DNM1L: variants seen among roughly 807,000 people sequenced by gnomAD.
The protein encoded by DNM1L is dynamin-1-like protein.
A neutral mutation model predicts 92.8 loss-of-function variants in DNM1L; 33 were observed. The ratio of observed to expected loss-of-function variants is 0.36; its 90% CI spans 0.27 to 0.48. The LOEUF (loss-of-function observed/expected upper bound fraction) is 0.48, where lower values mean the gene tolerates loss of function less well. Among genes scored for constraint, DNM1L ranks in the 20% least tolerant of loss-of-function variants. The pLI, the probability that DNM1L is intolerant of heterozygous loss-of-function variation, is 0.99. For missense variants in DNM1L, 485 were observed against 888.8 expected, an observed-to-expected ratio of 0.55 and a Z score of 5.78; for synonymous variants, 284 against 305.0, an observed-to-expected ratio of 0.93 and a Z score of 0.72.
intron 5 of DNM1L, 67 bp downstream of exon 5, chr12:32,711,082 A>G (rs1953107806): frequency 7.4e-7 from 1 of 1,345,188 alleles, no homozygotes; most frequent in African/African-American, 1.4e-5. Context: ...ATATGAGAAT[A>G]ATCAGCTTCT....
chr12:32,743,211 C>CTAAT (rs1210195779), intron 19 of DNM1L, 143 bp from the exon 20 acceptor site: 6 of 765,110 alleles, frequency 7.8e-6, no homozygotes, highest in African/African-American at 7.1e-5. Flanking sequence ...TGATTAGATT[C>CTAAT]TAATTCCAGA....
chr12:32,691,994 A>G (rs1030658398), intron 1 of DNM1L, among the ~76,000 whole-genome samples: 10 of 139,122 alleles, frequency 7.2e-5, no homozygotes, highest in African/African-American at 3.1e-4. Context: ...TAAACGGGAA[A>G]GAGAATCAGA....
Position 32,731,412 on chromosome 12 carries a change from G to A in DNM1L, c.1257G>A (p.Arg419=), listed in dbSNP as rs759479797. ...TTTCATTTGAGTTACTGGTGAAGCG[G>A]CAAATCAAACGTCTAGAAGAGCCCA... ...PEVSFELLVK[R]QIKRLEEPSL... is the part of the protein sequence containing the mutation. Residue 419 remains arginine, a synonymous_variant, in exon 11 of 20, where the codon CGG becomes CGA. Transcript: ENST00000549701. This position sits in a 1 kb window ranked among gnomAD's most constrained non-coding sequence, Gnocchi z 5.1. 6.2e-7 allele frequency: 1 copy of A among 1,614,130 alleles called. No homozygotes were observed. The highest frequency in any genetic ancestry group is 1.1e-5 in the South Asian group (1 of 91,080).
At position 32,699,654 on chromosome 12, in the gene DNM1L, C is replaced by T. The variant is rs1004904509; in HGVS notation, c.103-1761C>T. On this transcript the variant is annotated intron_variant, in intron 1 of 19. Transcript: ENST00000549701. ...CTACTAAAAATACAAAACCGCTGGG[C>T]GTGGTGTCACACGCCTGTAATCTCA... 9.9e-5 allele frequency among the ~76,000 whole-genome samples: 15 copies of T among 151,952 alleles called. No individual in the cohort carries two copies. The East Asian group carries it at 1.6e-3, about 16-fold the overall frequency.
At chr12:32,717,414 T>A in intron 6 of DNM1L, among the ~76,000 whole-genome samples, 7 of 43,516 alleles carry the variant, frequency 1.6e-4, no homozygotes, top group Non-Finnish European at 2.3e-4. Flanking sequence ...ATAATATATA[T>A]TTTAAATATA....
At chr12:32,706,083 G>T in intron 2 of DNM1L, 2 of 443,324 alleles carry the variant, frequency 4.5e-6, no homozygotes, top group Non-Finnish European at 7.9e-6. Flanking sequence ...TATTTTTGAA[G>T]ACATGCTTGT....
intron 1 of DNM1L, 22 bp from the exon 2 acceptor site, chr12:32,701,393 C>T (rs757736473): frequency 5.0e-6 from 8 of 1,610,890 alleles, no homozygotes; most frequent in Non-Finnish European, 6.8e-6. Flanking sequence ...TCATTTTGCT[C>T]TTGTATATAT....
intron 9 of DNM1L, among the ~76,000 whole-genome samples, chr12:32,729,355 A>T (rs1439352331): frequency 6.6e-6 from 1 of 152,082 alleles, no homozygotes; most frequent in Non-Finnish European, 1.5e-5. Context: ...TGCTGGGATT[A>T]CAGGCATGAG....
intron 19 of DNM1L, 51 bp from the exon 20 acceptor site, chr12:32,743,302 TA>T: frequency 2.6e-6 from 4 of 1,529,674 alleles, no homozygotes; most frequent in Non-Finnish European, 3.6e-6. Context: ...TAATTCAGAT[TA>T]ATTTCATAAC....
chr12:32,703,973 T>G (rs1285659612), intron 2 of DNM1L, among the ~76,000 whole-genome samples: 1 of 152,188 alleles, frequency 6.6e-6, no homozygotes, highest in Non-Finnish European at 1.5e-5. Flanking sequence ...AAATTTTTAT[T>G]AAAAACAATA....
chr12:32,743,384 G>A lies in DNM1L; in HGVS notation c.2185G>A (p.Glu729Lys). ...ACAAGGAGCCAGTCAAATTATTGCT[G>A]AAATCCGGGAGACTCATCTTTGGTG... ...ALQGASQIIA[E>K]IRETHLW Residue 729 changes from glutamate (E) to lysine (K), a missense_variant, in exon 20 of 20, where the codon GAA (glutamate) becomes AAA (lysine). Glu to Lys is a moderately conservative substitution (Grantham distance 56). Coordinates refer to ENST00000549701, the MANE Select transcript of DNM1L (RefSeq NM_012062.5). The A allele has an allele frequency of 6.2e-7, 1 of 1,613,902 alleles. No individual in the cohort carries two copies. Among genetic ancestry groups the A allele is most frequent in the Non-Finnish European group, 8.5e-7 (1 of 1,179,984 alleles).
intron 9 of DNM1L, chr12:32,726,453 T>A (rs1954147850): frequency 9.2e-6 from 12 of 1,302,604 alleles, no homozygotes; most frequent in South Asian, 7.1e-5. Flanking sequence ...CTCATCTCCT[T>A]TGTCCTCTTC....
At chr12:32,726,443 C>T in intron 9 of DNM1L, 1 of 1,380,868 alleles carries the variant, frequency 7.2e-7, no homozygotes, top group South Asian at 1.2e-5. Flanking sequence ...GATCATTTTC[C>T]TCATCTCCTT....
rs879255688 is a variant in DNM1L, at chr12:32,701,418, A to G, written c.106A>G (p.Ser36Gly). The change falls in exon 2 of 20, where the codon AGC becomes GGC. Residue 36 changes from serine (S) to glycine (G), a missense_variant. Physicochemically the swap from Ser to Gly is moderately conservative, Grantham distance 56. Transcript: ENST00000549701. ...PQIVVVGTQS[S>G]GKSSVLESLV... ...CTTGTATATATTCTGTTTTCAGAGCAGCGGAAAGAGCTCAGTGCTAGAAAG... is the reference window on the plus strand; with the variant it reads ...CTTGTATATATTCTGTTTTCAGAGCGGCGGAAAGAGCTCAGTGCTAGAAAG... The G allele has an allele frequency of 6.2e-7, 1 of 1,614,050 alleles. No individual in the cohort carries two copies.
intron 1 of DNM1L, among the ~76,000 whole-genome samples, chr12:32,699,179 T>G (rs1721562939): frequency 6.6e-6 from 1 of 152,198 alleles, no homozygotes; most frequent in African/African-American, 2.4e-5. Context: ...AGTCTTTGTG[T>G]GTACATGTAA....
At chr12:32,701,792 A>G (rs991128149) in intron 2 of DNM1L, among the ~76,000 whole-genome samples, 1 of 151,648 alleles carries the variant, frequency 6.6e-6, no homozygotes, top group African/African-American at 2.4e-5. Flanking sequence ...CAGTGGTATG[A>G]TCTTGGCTCA....
intron 6 of DNM1L, among the ~76,000 whole-genome samples, chr12:32,713,811 TA>T (rs994716712): frequency 6.6e-6 from 1 of 151,850 alleles, no homozygotes; most frequent in African/African-American, 2.4e-5. Context: ...CTCTGTCTGT[TA>T]AAAAAAACCA....
intron 1 of DNM1L, among the ~76,000 whole-genome samples, chr12:32,693,762 C>G (rs12371996): frequency 6.6e-6 from 1 of 151,894 alleles, no homozygotes; most frequent in Non-Finnish European, 1.5e-5. Context: ...CTAAGCCTCC[C>G]GAGCAGCTGG....
chr12:32,723,389 C>T lies in DNM1L; in HGVS notation c.1079+756C>T, dbSNP rs535288990. ...AAGAATGAAAAAGATTATTTTGCTA[C>T]CTCAGTTCGTTAAAAATGGGATTCT... On this transcript the variant is annotated intron_variant, in intron 9 of 19. Transcript: ENST00000549701. Among the ~76,000 whole-genome samples, 13 of 152,258 alleles carry T rather than the reference C, an allele frequency of 8.5e-5. 1 individual carries two copies. Among genetic ancestry groups the T allele is most frequent in the Admixed American group, 6.5e-4 (10 of 15,288 alleles).
Sources: gnomAD v4.1 joint callset for allele counts (sites outside exome capture counted in the v4.1 genomes callset) on GRCh38, gnomAD v4.1.1 for gene constraint, Gnocchi (gnomAD v3.1) non-coding constraint, MANE v1.5 for transcripts, NCBI Gene and HGNC (gene_info 2026-07-23, HGNC 2026-07-21) for gene names.